Variants in KRIT1 observed in about 807,000 individuals in gnomAD.
KRIT1 encodes the protein krev interaction trapped protein 1.
In KRIT1, 45 loss-of-function variants were observed where a neutral mutation model predicts 95.8. That is an observed-to-expected ratio of 0.47 (90% confidence interval 0.37 to 0.60). KRIT1 has a LOEUF of 0.60. Among genes scored for constraint, KRIT1 ranks in the 20% least tolerant of loss-of-function variants. The probability of loss-of-function intolerance (pLI) is 0.00; values close to 1 mark genes in which losing one functional copy is unlikely to be tolerated. For synonymous variants in KRIT1, 282 were observed against 278.8 expected, an observed-to-expected ratio of 1.01 and a Z score of -0.11; for missense variants, 788 against 877.5, an observed-to-expected ratio of 0.90 and a Z score of 1.29.
At chr7:92,227,378 C>T (rs2131540010) in intron 10 of KRIT1, among the ~76,000 whole-genome samples, 1 of 152,262 alleles carries the variant, frequency 6.6e-6, no homozygotes, top group East Asian at 1.9e-4. Context: ...GCCTAACCAA[C>T]ATGGTGAAAC....
intron 10 of KRIT1, among the ~76,000 whole-genome samples, chr7:92,229,149 C>CT (rs1163270003): frequency 6.6e-6 from 1 of 152,130 alleles, no homozygotes; most frequent in Non-Finnish European, 1.5e-5. Context: ...GTTTTTAGCT[C>CT]TTTGAGGAAT....
chr7:92,228,836 C>T (rs145500081), intron 10 of KRIT1, among the ~76,000 whole-genome samples: 9 of 152,192 alleles, frequency 5.9e-5, no homozygotes, highest in East Asian at 1.9e-4. Flanking sequence ...AGTGGGAACA[C>T]GTGGCATTTT....
At chr7:92,230,924 G>A (rs1237943473) in intron 10 of KRIT1, among the ~76,000 whole-genome samples, 1 of 152,100 alleles carries the variant, frequency 6.6e-6, no homozygotes, top group Non-Finnish European at 1.5e-5. Context: ...AGCTTGGAAG[G>A]GGAGGACTAA....
chr7:92,232,822 T>C (rs1320456730), intron 10 of KRIT1, among the ~76,000 whole-genome samples: 3 of 152,084 alleles, frequency 2.0e-5, no homozygotes, highest in African/African-American at 7.2e-5. Context: ...GCCTCCCAAG[T>C]AGCTGGGACT....
chr7:92,216,161 G>A (rs1445930803), intron 14 of KRIT1, among the ~76,000 whole-genome samples: 11 of 150,992 alleles, frequency 7.3e-5, no homozygotes, highest in African/African-American at 1.2e-4. Context: ...CCCGGGAGGC[G>A]GAGCTTGCAG....
rs561793960 is a variant in KRIT1 at position 92,221,800 on chromosome 7, C to T, written c.1563+102G>A. ...CCAATTATCACAGGGATGTAAGGAT[C>T]GATTTAAGGATGTAAGCACAATTTC... On this transcript the variant is annotated intron_variant, in intron 14 of 18. Coordinates refer to ENST00000394505, the MANE Select transcript of KRIT1 (RefSeq NM_194454.3). 273 of 925,498 alleles carry T rather than the reference C, an allele frequency of 2.9e-4. 1 individual carries two copies. Among genetic ancestry groups the T allele is most frequent in the South Asian group, 2.5e-3 (179 of 71,490 alleles). 57.3% of individuals were successfully genotyped at this position (925,498 alleles called of 1,614,324 possible).
intron 8 of KRIT1, 103 bp from the exon 9 acceptor site, chr7:92,235,026 G>C: frequency 1.4e-6 from 1 of 695,124 alleles, no homozygotes; most frequent in Non-Finnish European, 2.6e-6. Flanking sequence ...TTGAGAATGA[G>C]TCTTGCTCTG....
In KRIT1 at chr7:92,210,479, A is replaced by G. The variant is rs183032504; in HGVS notation, c.2025+2716T>C. Among the ~76,000 whole-genome samples, 4 of 152,330 alleles carry G rather than the reference A, an allele frequency of 2.6e-5. No individual in the cohort carries two copies. In the East Asian group the frequency reaches 7.7e-4, roughly 29 times the overall value. Reference sequence around the variant, plus strand: ...ATGGTGTTGGAAAAATTGGATACCCACATGCACAAGAATAAAACTAGACTC... The same window carrying G: ...ATGGTGTTGGAAAAATTGGATACCCGCATGCACAAGAATAAAACTAGACTC... On this transcript the variant is annotated intron_variant, in intron 17 of 18. Transcript: ENST00000394505.
rs1331502949 is a variant in KRIT1, at chr7:92,225,773, G to C, written c.1201C>G (p.Gln401Glu). The change falls in exon 12 of 19, where the codon CAA (glutamine) becomes GAA (glutamate). Residue 401 changes from glutamine (Q) to glutamate (E), a missense_variant. Coordinates refer to ENST00000394505, the MANE Select transcript of KRIT1 (RefSeq NM_194454.3). The stretch of plus-strand genomic sequence containing the variant: ...TTTGCAGCTTCTTCCCAGTTGTTTT[G>C]TTTGTTTTCTTCACAAATATTTAAT... ...SPLNICEENK[Q>E]NNWEEAAKLL... The C allele has an allele frequency of 2.5e-6, 4 of 1,610,790 alleles. No individual in the cohort carries two copies. In the East Asian group the frequency reaches 8.9e-5, roughly 36 times the overall value.
intron 12 of KRIT1, 150 bp from the exon 13 acceptor site, chr7:92,223,128 T>G: frequency 1.5e-6 from 1 of 675,810 alleles, no homozygotes; most frequent in South Asian, 1.8e-5. Context: ...CTGTTGGTGA[T>G]ATTTTAAAAA....
At chr7:92,226,279 A>C (rs780025117) in intron 11 of KRIT1, among the ~76,000 whole-genome samples, 22 of 152,180 alleles carry the variant, frequency 1.4e-4, no homozygotes, top group Non-Finnish European at 2.8e-4. Flanking sequence ...AAAAATAGTT[A>C]ATGTAAATTT....
chr7:92,231,879 T>C (rs980783033), intron 10 of KRIT1, among the ~76,000 whole-genome samples: 2 of 152,186 alleles, frequency 1.3e-5, no homozygotes, highest in Admixed American at 6.5e-5. Context: ...ATATTACAGA[T>C]TAATAAATTT....
In KRIT1 at chr7:92,237,682, G is replaced by C. The variant is rs1447587014; in HGVS notation, c.340C>G (p.Pro114Ala). 1 of 1,596,606 alleles carries C rather than the reference G, an allele frequency of 6.3e-7. No homozygotes were observed. The highest frequency in any genetic ancestry group is 8.6e-7 in the Non-Finnish European group (1 of 1,164,532). Residue 114 changes from proline (P) to alanine (A), a missense_variant, in exon 6 of 19, where the codon CCA (proline) becomes GCA (alanine). Around this residue, in one of 3 missense-constraint regions of KRIT1, gnomAD observed 289 missense variants for 277.5 expected, o/e 1.04. Coordinates refer to ENST00000394505, the MANE Select transcript of KRIT1 (RefSeq NM_194454.3). ...TAGACTTTACCTTTGACAACTGATG[G>C]AACAATAAATAATGATGCTTCTCTG... ...MGREASLFIV[P>A]SVVKDNTKYT...
intron 5 of KRIT1, among the ~76,000 whole-genome samples, chr7:92,239,305 C>T (rs1293026357): frequency 6.6e-6 from 1 of 152,080 alleles, no homozygotes; most frequent in Non-Finnish European, 1.5e-5. Flanking sequence ...GGTAAATGGA[C>T]CTAGTGGCTG....
At chr7:92,232,696 T>A (rs1053725658) in intron 10 of KRIT1, among the ~76,000 whole-genome samples, 1 of 152,166 alleles carries the variant, frequency 6.6e-6, no homozygotes, top group African/African-American at 2.4e-5. Flanking sequence ...TGTGATTTCT[T>A]TTTTTCCTTT....
In KRIT1 at chr7:92,199,840, T is replaced by G. The variant is rs1270129030; in HGVS notation, c.*896A>C. On this transcript the variant is annotated 3_prime_UTR_variant, in exon 19 of 19. Transcript: ENST00000394505. ...AATGCCCTTGTTTAGAATGGGTCTC[T>G]GAAATCTTCATTTTTAAGAGGCATC... 1 of 152,220 alleles carries G rather than the reference T, an allele frequency of 6.6e-6. No homozygotes were observed. Among genetic ancestry groups the G allele is most frequent in the East Asian group, 1.9e-4 (1 of 5,198 alleles). The allele number at this position is 152,220 out of a possible 1,614,324, so 9.4% of individuals were successfully genotyped here.
downstream of KRIT1, chr7:92,199,073 C>G (rs1789703938): frequency 6.6e-6 from 1 of 152,046 alleles, no homozygotes; most frequent in Admixed American, 6.6e-5. Context: ...TTAGATGGAC[C>G]TAGAACAAGT....
intron 17 of KRIT1, among the ~76,000 whole-genome samples, chr7:92,212,289 T>A (rs888779594): frequency 6.6e-6 from 1 of 152,318 alleles, no homozygotes; most frequent in African/African-American, 2.4e-5. Flanking sequence ...TTTTTCTTTT[T>A]TTCATCTTTT....
intron 5 of KRIT1, among the ~76,000 whole-genome samples, chr7:92,239,350 T>C (rs948458309): frequency 6.6e-6 from 1 of 152,200 alleles, no homozygotes; most frequent in African/African-American, 2.4e-5. Context: ...ATGACTTTTT[T>C]AGGTCTATAA....
Sources: allele counts gnomAD v4.1 joint callset (sites outside exome capture counted in the v4.1 genomes callset), GRCh38; gene constraint gnomAD v4.1.1; regional missense constraint gnomAD v4.1.1; transcripts MANE v1.5; gene names NCBI Gene and HGNC (gene_info 2026-07-23, HGNC 2026-07-21).